The following PPP6R3 variants were observed in gnomAD, a reference collection of about 807,000 sequenced individuals.
PPP6R3 encodes serine/threonine-protein phosphatase 6 regulatory subunit 3.
A neutral mutation model predicts 110.7 loss-of-function variants in PPP6R3; 38 were observed. The ratio of observed to expected loss-of-function variants is 0.34; its 90% CI spans 0.26 to 0.45. The LOEUF (loss-of-function observed/expected upper bound fraction) is 0.45, where lower values mean the gene tolerates loss of function less well. PPP6R3 is among the 20% of genes least tolerant of loss of function. The pLI is 1.00. For missense variants in PPP6R3, 870 were observed against 1,062.4 expected (o/e 0.82, Z 2.52); for synonymous variants, 369 against 373.5 (o/e 0.99, Z 0.14).
At position 68,593,462 on chromosome 11, in the gene PPP6R3, G is replaced by A. The variant is rs576092077; in HGVS notation, c.1916+1756G>A. On this transcript the variant is annotated intron_variant, in intron 18 of 23. Coordinates refer to ENST00000393800, the MANE Select transcript of PPP6R3 (RefSeq NM_001164161.2). The stretch of plus-strand genomic sequence containing the variant: ...ATTCATGGATGTTTTGGTTGTTTCT[G>A]GTTTGAGGCCTATAATGTCACTTGA... 6.0e-4 allele frequency among the ~76,000 whole-genome samples: 91 copies of A among 152,042 alleles called. 1 individual carries two copies. The highest frequency in any genetic ancestry group is 1.1e-3 in the Non-Finnish European group (73 of 67,992).
At chr11:68,528,362 G>A (rs899348579) in intron 2 of PPP6R3, among the ~76,000 whole-genome samples, 2 of 146,254 alleles carry the variant, frequency 1.4e-5, no homozygotes, top group African/African-American at 5.0e-5. Context: ...GTTTGAGTTT[G>A]TATTACCCTC....
At chr11:68,523,297 T>C (rs757204414) in intron 2 of PPP6R3, among the ~76,000 whole-genome samples, 3 of 152,208 alleles carry the variant, frequency 2.0e-5, no homozygotes, top group Admixed American at 2.0e-4. Flanking sequence ...CTTGACCTTC[T>C]CCGTAACTGC....
intron 20 of PPP6R3, among the ~76,000 whole-genome samples, chr11:68,601,251 T>G (rs1487920052): frequency 1.3e-5 from 2 of 152,218 alleles, no homozygotes; most frequent in Non-Finnish European, 2.9e-5. Flanking sequence ...TAAGAGCCTT[T>G]GGTTACTTGA....
At position 68,554,184 on chromosome 11, in the gene PPP6R3, C is replaced by T; in HGVS notation, c.658C>T (p.Arg220Cys). The T allele has an allele frequency of 1.9e-6, 3 of 1,613,158 alleles. No individual in the cohort carries two copies. The highest frequency in any genetic ancestry group is 2.5e-6 in the Non-Finnish European group (3 of 1,179,614). Residue 220 changes from arginine (R) to cysteine (C), a missense_variant, in exon 7 of 24, where the codon CGC becomes TGC. Physicochemically the swap from Arg to Cys is radical, Grantham distance 180 (BLOSUM62 -3). Coordinates refer to ENST00000393800, the MANE Select transcript of PPP6R3 (RefSeq NM_001164161.2). ...NASQSLCEIV[R>C]LSRDQMLQIQ... The stretch of plus-strand genomic sequence containing the variant: ...ATCACAATCACTTTGTGAAATTGTT[C>T]GCCTGAGCAGAGACCAGATGTTACA...
chr11:68,513,735 A>G (rs572677651), intron 1 of PPP6R3, among the ~76,000 whole-genome samples: 3 of 152,364 alleles, frequency 2.0e-5, no homozygotes, highest in South Asian at 2.1e-4. Flanking sequence ...TACTGGTGGT[A>G]TAAGTTGTAT....
intron 1 of PPP6R3, among the ~76,000 whole-genome samples, chr11:68,496,467 C>A (rs534703695): frequency 6.6e-6 from 1 of 151,826 alleles, no homozygotes; most frequent in East Asian, 1.9e-4. Context: ...TGTGCCACTG[C>A]GCTTGCCTCA....
chr11:68,543,196 C>A (rs2099328630), intron 3 of PPP6R3, among the ~76,000 whole-genome samples: 1 of 152,060 alleles, frequency 6.6e-6, no homozygotes, highest in Non-Finnish European at 1.5e-5. Context: ...GTAACTTGTC[C>A]AAGGTTATAC....
Position 68,614,277 on chromosome 11 carries a change from G to GTAA in PPP6R3, c.*1162_*1164dup. 9.7e-7 allele frequency: 1 copy of GTAA among 1,035,448 alleles called. No individual in the cohort carries two copies. The highest frequency in any genetic ancestry group is 1.2e-6 in the Non-Finnish European group (1 of 860,734). The allele number at this position is 1,035,448 out of a possible 1,614,324, so 64.1% of individuals were successfully genotyped here. ...TAGTGATTATGGATACTAATTCAAT[G>GTAA]TAATTTATAATTTTCTATGTCAATA... is the stretch of plus-strand genomic sequence containing the variant. On this transcript the variant is annotated 3_prime_UTR_variant, in exon 24 of 24. Transcript: ENST00000393800.
rs1944443284 is a variant in PPP6R3, at chr11:68,613,226, A to C, written c.*109A>C. ...GCTGTCACTGCTGCACTCACTCTGC[A>C]AGGGATCAGGACCAGCAACCTTTAT... is the stretch of plus-strand genomic sequence containing the variant. On this transcript the variant is annotated 3_prime_UTR_variant, in exon 24 of 24. Coordinates refer to ENST00000393800, the MANE Select transcript of PPP6R3 (RefSeq NM_001164161.2). 2.6e-6 allele frequency: 4 copies of C among 1,516,088 alleles called. No individual in the cohort carries two copies. The highest frequency in any genetic ancestry group is 2.6e-6 in the Non-Finnish European group (3 of 1,133,610). 93.9% of individuals were successfully genotyped at this position (1,516,088 alleles called of 1,614,324 possible).
chr11:68,564,192 C>A, intron 8 of PPP6R3, 111 bp from the exon 9 acceptor site: 2 of 1,157,458 alleles, frequency 1.7e-6, no homozygotes, highest in Non-Finnish European at 2.4e-6. Flanking sequence ...AGCCTTTTTT[C>A]CCGCAGCCAG....
In PPP6R3 at chr11:68,615,214, T is replaced by A. The variant is rs1945045622; in HGVS notation, c.*2097T>A. On this transcript the variant is annotated 3_prime_UTR_variant, in exon 24 of 24. Coordinates refer to ENST00000393800, the MANE Select transcript of PPP6R3 (RefSeq NM_001164161.2). Reference sequence around the variant, plus strand: ...GGACAGGAGCAAGTGTGCCCTCATTTTGTTTCTACTTTTAATTTCTGTGTG... The same window carrying A: ...GGACAGGAGCAAGTGTGCCCTCATTATGTTTCTACTTTTAATTTCTGTGTG... 1 of 390,062 alleles carries A rather than the reference T, an allele frequency of 2.6e-6. No individual in the cohort carries two copies. The highest frequency in any genetic ancestry group is 5.1e-6 in the Non-Finnish European group (1 of 195,992). 24.2% of individuals were successfully genotyped at this position (390,062 alleles called of 1,614,324 possible). A position where few individuals can be genotyped will look rare whatever the true frequency, so the allele number is the denominator to read the frequency against.
At chr11:68,595,684 A>G (rs1039420581) in intron 18 of PPP6R3, among the ~76,000 whole-genome samples, 2 of 152,256 alleles carry the variant, frequency 1.3e-5, no homozygotes, top group East Asian at 3.8e-4. Flanking sequence ...CTCTTTACTC[A>G]AGAAAAAGAC....
intron 21 of PPP6R3, 101 bp from the exon 22 acceptor site, chr11:68,603,241 A>C: frequency 1.4e-6 from 2 of 1,441,928 alleles, no homozygotes; most frequent in South Asian, 1.4e-5. Context: ...TTTTTTCTTC[A>C]AGCAGTAGAT....
At chr11:68,466,738 G>A (rs1260241024) in intron 1 of PPP6R3, among the ~76,000 whole-genome samples, 3 of 151,020 alleles carry the variant, frequency 2.0e-5, no homozygotes, top group Non-Finnish European at 4.4e-5. Context: ...TCAGCCTCCC[G>A]AGTAGCTGGG....
intron 1 of PPP6R3, among the ~76,000 whole-genome samples, chr11:68,509,747 T>TTC (rs2099098679): frequency 1.5e-5 from 2 of 135,080 alleles, no homozygotes; most frequent in African/African-American, 5.9e-5. Flanking sequence ...GTGGCTAATT[T>TTC]TTTTTTTTTT....
At chr11:68,525,663 GA>G (rs761115632) in intron 2 of PPP6R3, among the ~76,000 whole-genome samples, 19 of 152,296 alleles carry the variant, frequency 1.2e-4, no homozygotes, top group African/African-American at 2.2e-4. Context: ...GCTTTTGAAA[GA>G]TTTTTTTGTG....
rs990955755 is a variant in PPP6R3, at chr11:68,484,153, A to G, written c.-158+23326A>G. The stretch of plus-strand genomic sequence containing the variant: ...GCTTGGTTGCTTCCCAATTTTGGCA[A>G]TTGTGGATAAAGATGCTGTAAATAT... On this transcript the variant is annotated intron_variant, in intron 1 of 23. Transcript: ENST00000393800. Among the ~76,000 whole-genome samples the G allele has an allele frequency of 3.3e-5, 5 of 152,292 alleles. No homozygotes were observed. The South Asian group carries it at 6.2e-4, about 19-fold the overall frequency.
rs914789896 is a variant in PPP6R3 at position 68,614,438 on chromosome 11, A to G, written c.*1321A>G. The G allele has an allele frequency of 9.0e-6, 12 of 1,338,184 alleles. No individual in the cohort carries two copies. The highest frequency in any genetic ancestry group is 7.6e-5 in the Admixed American group (2 of 26,298). The allele number at this position is 1,338,184 out of a possible 1,614,324, so 82.9% of individuals were successfully genotyped here. ...CAGTTTTTCATTTCTGTAATAGAAA[A>G]TTATTCACGTATTTTTACATCATTT... is the stretch of plus-strand genomic sequence containing the variant. On this transcript the variant is annotated 3_prime_UTR_variant, in exon 24 of 24. Transcript: ENST00000393800.
rs963935777 is a variant in PPP6R3 at position 68,498,226 on chromosome 11, T to C, written c.-157-21275T>C. ...TTACCAGCAGTTCCAGTCAGTTTTA[T>C]GTTAATACATTTTAAAACTTGTTTT... On this transcript the variant is annotated intron_variant, in intron 1 of 23. Coordinates refer to ENST00000393800, the MANE Select transcript of PPP6R3 (RefSeq NM_001164161.2). 5.3e-5 allele frequency among the ~76,000 whole-genome samples: 8 copies of C among 152,240 alleles called. No individual in the cohort carries two copies. The South Asian group carries it at 1.0e-3, about 20-fold the overall frequency.
Sources: gnomAD v4.1 joint callset for allele counts (sites outside exome capture counted in the v4.1 genomes callset) on GRCh38, gnomAD v4.1.1 for gene constraint, MANE v1.5 for transcripts, NCBI Gene and HGNC (gene_info 2026-07-23, HGNC 2026-07-21) for gene names.